Variants in IFIT5 observed in about 807,000 individuals in gnomAD.
IFIT5 encodes interferon-induced protein with tetratricopeptide repeats 5.
In IFIT5, 2 loss-of-function variants were observed where a neutral mutation model predicts 5.0. The ratio of observed to expected loss-of-function variants is 0.40; its 90% CI spans 0.16 to 1.26. The LOEUF (loss-of-function observed/expected upper bound fraction) is 1.26. IFIT5 is among the 50% of genes most tolerant of loss of function. The pLI, the probability that IFIT5 is intolerant of heterozygous loss-of-function variation, is 0.33. For missense variants in IFIT5, 524 were observed against 563.2 expected (o/e 0.93, Z 0.70); for synonymous variants, 206 against 204.6 (o/e 1.01, Z -0.06).
chr10:89,415,140 G>T (rs889010244), intron 1 of IFIT5, among the ~76,000 whole-genome samples: 1 of 152,194 alleles, frequency 6.6e-6, no homozygotes, highest in Non-Finnish European at 1.5e-5. Context: ...GACTGTCAGG[G>T]TATGTGCCGG....
At chr10:89,416,458 T>C (rs1039470633) in intron 1 of IFIT5, among the ~76,000 whole-genome samples, 2 of 152,370 alleles carry the variant, frequency 1.3e-5, no homozygotes, top group Admixed American at 1.3e-4. Context: ...TTACCTCTTC[T>C]GATGCAATAG....
chr10:89,416,072 G>A (rs536782578), intron 1 of IFIT5, among the ~76,000 whole-genome samples: 2 of 152,274 alleles, frequency 1.3e-5, no homozygotes, highest in Non-Finnish European at 2.9e-5. Flanking sequence ...ACAGGCGTGT[G>A]CCACCACGCC....
In IFIT5 at chr10:89,418,229, C is replaced by G; in HGVS notation, c.1030C>G (p.Leu344Val). 5 of 1,614,192 alleles carry G rather than the reference C, an allele frequency of 3.1e-6. No individual in the cohort carries two copies. The highest frequency in any genetic ancestry group is 4.2e-6 in the Non-Finnish European group (5 of 1,180,012). The change falls in exon 2 of 2, where the codon CTG (leucine) becomes GTG (valine). Residue 344 changes from leucine (L) to valine (V), a missense_variant. Leu to Val is a conservative substitution (Grantham distance 32). Coordinates refer to ENST00000371795, the MANE Select transcript of IFIT5 (RefSeq NM_012420.3). The stretch of plus-strand genomic sequence containing the variant: ...TATGTTTGCATTTGCCTACACAGAC[C>G]TGGCCAACATGTACGCTGAAGGAGG... ...DSMFAFAYTD[L>V]ANMYAEGGQY...
Position 89,414,705 on chromosome 10 carries a change from A to ACGCGCT in IFIT5, c.-91_-90insGCTCGC. The ACGCGCT allele has an allele frequency of 6.8e-7, 1 of 1,479,574 alleles. No individual in the cohort carries two copies. The highest frequency in any genetic ancestry group is 2.6e-5 in the East Asian group (1 of 38,560). The allele number at this position is 1,479,574 out of a possible 1,614,324, so 91.7% of individuals were successfully genotyped here. A position where few individuals can be genotyped will look rare whatever the true frequency, so the allele number is the denominator to read the frequency against. ...GCCTGGCGCGCGCACGCGCACGCGC[A>ACGCGCT]CGCCCACCGCGCGGCTTCCCGCGGT... is the stretch of plus-strand genomic sequence containing the variant. On this transcript the variant is annotated 5_prime_UTR_variant, in exon 1 of 2. Coordinates refer to ENST00000371795, the MANE Select transcript of IFIT5 (RefSeq NM_012420.3).
Position 89,418,759 on chromosome 10 carries a change from G to A in IFIT5, c.*111G>A. 1 of 1,086,876 alleles carries A rather than the reference G, an allele frequency of 9.2e-7. No homozygotes were observed. The highest frequency in any genetic ancestry group is 1.3e-6 in the Non-Finnish European group (1 of 764,210). The allele number at this position is 1,086,876 out of a possible 1,614,324, so 67.3% of individuals were successfully genotyped here. ...GTTTATTATAGAGCTAATATTTATT[G>A]AATAGTTATTGTGTACCAAGCATTG... On this transcript the variant is annotated 3_prime_UTR_variant, in exon 2 of 2. Transcript: ENST00000371795.
Position 89,418,084 on chromosome 10 carries a change from A to G in IFIT5, c.885A>G (p.Ala295=). The G allele has an allele frequency of 6.2e-7, 1 of 1,614,240 alleles. No individual in the cohort carries two copies. Among genetic ancestry groups the G allele is most frequent in the Non-Finnish European group, 8.5e-7 (1 of 1,180,036 alleles). The change falls in exon 2 of 2, where the codon GCA becomes GCG. Residue 295 remains alanine, a synonymous_variant. Transcript: ENST00000371795. ...ACCAGATGGGACTTTGCTACAGGGC[A>G]CAAATGATCCAAATCAAGAAGGCCA... The part of the protein sequence containing the change: ...LHHQMGLCYR[A]QMIQIKKATH...
chr10:89,414,628 G>A lies in IFIT5; in HGVS notation c.-171G>A. The A allele has an allele frequency of 3.5e-6, 2 of 568,674 alleles. No individual in the cohort carries two copies. The highest frequency in any genetic ancestry group is 5.8e-6 in the Non-Finnish European group (2 of 345,344). 35.2% of individuals were successfully genotyped at this position (568,674 alleles called of 1,614,324 possible). ...GTTTCCTGTTCTTGCTGGGGCTGGGGTCTCTCCTTTAACAAAGACACGCCG... is the reference window on the plus strand; with the variant it reads ...GTTTCCTGTTCTTGCTGGGGCTGGGATCTCTCCTTTAACAAAGACACGCCG... On this transcript the variant is annotated 5_prime_UTR_variant, in exon 1 of 2. Transcript: ENST00000371795.
Position 89,420,010 on chromosome 10 carries a change from T to A in IFIT5, c.*1362T>A, listed in dbSNP as rs1214120792. On this transcript the variant is annotated 3_prime_UTR_variant, in exon 2 of 2. Transcript: ENST00000371795. ...TTTGATTATTATAAAAATAATGAAT[T>A]CTCACTGTAAATTTCAAAAAAAAAT... 2 of 125,572 alleles carry A rather than the reference T, an allele frequency of 1.6e-5. No homozygotes were observed. The highest frequency in any genetic ancestry group is 5.2e-4 in the East Asian group (2 of 3,870). 7.8% of individuals were successfully genotyped at this position (125,572 alleles called of 1,614,324 possible).
Position 89,420,691 on chromosome 10 carries a change from G to A in IFIT5, c.*2043G>A, listed in dbSNP as rs555695638. ...AGCATTGTTCCTCAAACTTGGCTAC[G>A]TATTGGAATCACCTAAAAAGTTAAA... is the stretch of plus-strand genomic sequence containing the variant. On this transcript the variant is annotated 3_prime_UTR_variant, in exon 2 of 2. Transcript: ENST00000371795. 2 of 152,212 alleles carry A rather than the reference G, an allele frequency of 1.3e-5. No individual in the cohort carries two copies. The highest frequency in any genetic ancestry group is 1.9e-4 in the East Asian group (1 of 5,184). The allele number at this position is 152,212 out of a possible 1,614,324, so 9.4% of individuals were successfully genotyped here.
At position 89,418,085 on chromosome 10, in the gene IFIT5, C is replaced by G. The variant is rs780908003; in HGVS notation, c.886C>G (p.Gln296Glu). The change falls in exon 2 of 2, where the codon CAA becomes GAA. Residue 296 changes from glutamine (Q) to glutamate (E), a missense_variant. Gln to Glu is a conservative substitution (Grantham distance 29, BLOSUM62 2). Transcript: ENST00000371795. ...HHQMGLCYRA[Q>E]MIQIKKATHN... ...CCAGATGGGACTTTGCTACAGGGCA[C>G]AAATGATCCAAATCAAGAAGGCCAC... 4.3e-6 allele frequency: 7 copies of G among 1,613,988 alleles called. No individual in the cohort carries two copies. Among genetic ancestry groups the G allele is most frequent in the African/African-American group, 1.3e-5 (1 of 74,892 alleles).
chr10:89,415,098 G>A (rs1226231889), intron 1 of IFIT5, among the ~76,000 whole-genome samples: 8 of 152,220 alleles, frequency 5.3e-5, no homozygotes, highest in African/African-American at 1.7e-4. Flanking sequence ...TGCTCCCCGG[G>A]AGCCTGTCCC....
chr10:89,416,346 G>A (rs994943853), intron 1 of IFIT5, among the ~76,000 whole-genome samples: 1 of 152,236 alleles, frequency 6.6e-6, no homozygotes, highest in Admixed American at 6.5e-5. Context: ...ATATATGCAG[G>A]ATGGGGAGGA....
Position 89,414,574 on chromosome 10 carries a change from T to G in IFIT5, c.-225T>G. On this transcript the variant is annotated 5_prime_UTR_variant, in exon 1 of 2. Transcript: ENST00000371795. ...TTTCGATTTCTTAAGTTTCAGTTTC[T>G]GAGCGCTCGGCATCTGATTCAATCT... 1 of 463,868 alleles carries G rather than the reference T, an allele frequency of 2.2e-6. No homozygotes were observed. The highest frequency in any genetic ancestry group is 3.8e-6 in the Non-Finnish European group (1 of 265,462). The allele number at this position is 463,868 out of a possible 1,614,324, so 28.7% of individuals were successfully genotyped here.
chr10:89,418,414 G>A lies in IFIT5; in HGVS notation c.1215G>A (p.Lys405=), dbSNP rs1841565360. The A allele has an allele frequency of 1.9e-6, 3 of 1,614,150 alleles. No individual in the cohort carries two copies. The highest frequency in any genetic ancestry group is 2.5e-6 in the Non-Finnish European group (3 of 1,180,028). ...TCCATCATTATTTAGAAGCCTTAAA[G>A]GTCAAAGACAGATCACCCCTTCGCA... The part of the protein sequence containing the change: ...TAIHHYLEAL[K]VKDRSPLRTK... The change falls in exon 2 of 2, where the codon AAG becomes AAA. Residue 405 remains lysine, a synonymous_variant. Coordinates refer to ENST00000371795, the MANE Select transcript of IFIT5 (RefSeq NM_012420.3).
chr10:89,414,690 C>A lies in IFIT5; in HGVS notation c.-109C>A. Reference sequence around the variant, plus strand: ...CCAGGGGCTGCAGAGGCCTGGCGCGCGCACGCGCACGCGCACGCCCACCGC... The same window carrying A: ...CCAGGGGCTGCAGAGGCCTGGCGCGAGCACGCGCACGCGCACGCCCACCGC... On this transcript the variant is annotated 5_prime_UTR_variant, in exon 1 of 2. Coordinates refer to ENST00000371795, the MANE Select transcript of IFIT5 (RefSeq NM_012420.3). The A allele has an allele frequency of 7.4e-7, 1 of 1,355,692 alleles. No homozygotes were observed. Among genetic ancestry groups the A allele is most frequent in the Non-Finnish European group, 9.8e-7 (1 of 1,020,064 alleles). The allele number at this position is 1,355,692 out of a possible 1,614,324, so 84.0% of individuals were successfully genotyped here.
rs753900905 is a variant in IFIT5, at chr10:89,417,310, A to C, written c.111A>C (p.Thr37=). ...EDIDLFEVED[T]IGQQLEFLTT... is the part of the protein sequence containing the mutation. ...TTGATCTGTTTGAGGTAGAAGATAC[A>C]ATTGGGCAACAGCTTGAATTTCTTA... is the stretch of plus-strand genomic sequence containing the variant. Residue 37 remains threonine, a synonymous_variant, in exon 2 of 2, where the codon ACA becomes ACC. Coordinates refer to ENST00000371795, the MANE Select transcript of IFIT5 (RefSeq NM_012420.3). The C allele has an allele frequency of 6.2e-7, 1 of 1,614,220 alleles. No homozygotes were observed. Among genetic ancestry groups the C allele is most frequent in the Non-Finnish European group, 8.5e-7 (1 of 1,180,042 alleles).
chr10:89,418,475 A>G lies in IFIT5; in HGVS notation c.1276A>G (p.Lys426Glu), dbSNP rs1166831709. ...LTSALKKLST[K>E]RLCHNALDVQ... ...AAGTGCTCTGAAGAAATTGTCTACCAAGAGACTTTGTCACAATGCTTTAGA... is the reference window on the plus strand; with the variant it reads ...AAGTGCTCTGAAGAAATTGTCTACCGAGAGACTTTGTCACAATGCTTTAGA... The change falls in exon 2 of 2, where the codon AAG becomes GAG. Residue 426 changes from lysine to glutamate, a missense_variant. Lys to Glu is a moderately conservative substitution (Grantham distance 56). Transcript: ENST00000371795. 4 of 1,614,206 alleles carry G rather than the reference A, an allele frequency of 2.5e-6. No homozygotes were observed. The highest frequency in any genetic ancestry group is 1.1e-5 in the South Asian group (1 of 91,088).
intron 1 of IFIT5, among the ~76,000 whole-genome samples, chr10:89,415,959 G>A (rs1456708898): frequency 6.6e-6 from 1 of 152,222 alleles, no homozygotes; most frequent in Non-Finnish European, 1.5e-5. Flanking sequence ...GTCTCGCCCT[G>A]TCACCCAGGC....
intron 1 of IFIT5, among the ~76,000 whole-genome samples, chr10:89,416,125 A>G (rs1017597839): frequency 6.6e-6 from 1 of 152,088 alleles, no homozygotes; most frequent in African/African-American, 2.4e-5. Flanking sequence ...GGGTTTCACC[A>G]TGTTGACCGG....
Sources: gnomAD v4.1 joint callset for allele counts (sites outside exome capture counted in the v4.1 genomes callset) on GRCh38, gnomAD v4.1.1 for gene constraint, MANE v1.5 for transcripts, NCBI Gene and HGNC (gene_info 2026-07-23, HGNC 2026-07-21) for gene names.